The following USP13 variants were observed in gnomAD, a reference collection of about 807,000 sequenced individuals.
The protein encoded by USP13 is ubiquitin specific peptidase 13.
Under a neutral mutation model 107.8 loss-of-function variants are expected in USP13, and 68 were observed. The observed-to-expected ratio is 0.63, with a 90% confidence interval of 0.52 to 0.77. The LOEUF is 0.77. USP13 is among the 30% of genes least tolerant of loss of function. The pLI, the probability that USP13 is intolerant of heterozygous loss-of-function variation, is 0.00. For synonymous variants in USP13, 377 were observed against 389.5 expected (o/e 0.97, Z 0.38); for missense variants, 945 against 1,093.3 (o/e 0.86, Z 1.91).
chr3:179,728,554 G>C (rs1255388964), intron 8 of USP13, among the ~76,000 whole-genome samples: 7 of 151,504 alleles, frequency 4.6e-5, no homozygotes. Context: ...GCCAGGCAGA[G>C]ACACTCCTCA....
chr3:179,722,447 G>A (rs1293142474), intron 8 of USP13, among the ~76,000 whole-genome samples: 2 of 151,994 alleles, frequency 1.3e-5, no homozygotes, highest in African/African-American at 4.8e-5. Flanking sequence ...TTTTACAAGT[G>A]GCATTTCATT....
intron 1 of USP13, among the ~76,000 whole-genome samples, chr3:179,674,326 G>A (rs1047296664): frequency 6.6e-6 from 1 of 152,178 alleles, no homozygotes; most frequent in Non-Finnish European, 1.5e-5. Context: ...GACCATATCT[G>A]GCTGGAGCTT....
intron 3 of USP13, among the ~76,000 whole-genome samples, chr3:179,697,690 T>C (rs547589233): frequency 4.1e-4 from 63 of 152,146 alleles, no homozygotes; most frequent in South Asian, 8.3e-4. Context: ...TTTGGGGTGA[T>C]GAGACATGAT....
At chr3:179,698,850 T>C (rs2108472106) in intron 3 of USP13, among the ~76,000 whole-genome samples, 1 of 149,950 alleles carries the variant, frequency 6.7e-6, no homozygotes, top group South Asian at 2.1e-4. Flanking sequence ...ATTTAAATAA[T>C]ATTCTATTGG....
chr3:179,680,880 CAT>C (rs1440059569), intron 1 of USP13, among the ~76,000 whole-genome samples: 1 of 143,450 alleles, frequency 7.0e-6, no homozygotes, highest in Non-Finnish European at 1.5e-5. Context: ...TGTCAAATAT[CAT>C]GTGTCACCAA....
Position 179,742,424 on chromosome 3 carries a change from T to G in USP13, c.1534+74T>G. The G allele has an allele frequency of 6.3e-7, 1 of 1,580,456 alleles. No homozygotes were observed. The highest frequency in any genetic ancestry group is 2.3e-5 in the East Asian group (1 of 43,504). ...AAACCCTCAAATCAGAGAGAATGGT[T>G]TAGTCACTGAAGTGTGTCAGGAGTA... On this transcript the variant is annotated intron_variant, in intron 12 of 20. Coordinates refer to ENST00000263966, the MANE Select transcript of USP13 (RefSeq NM_003940.3). The surrounding 1 kb of genome is among the most constrained non-coding windows in gnomAD (Gnocchi z 5.0).
intron 1 of USP13, among the ~76,000 whole-genome samples, chr3:179,668,493 T>TA (rs1395974923): frequency 1.3e-5 from 2 of 152,244 alleles, no homozygotes; most frequent in Non-Finnish European, 2.9e-5. Context: ...TGTATGCTGG[T>TA]AATTCTGTTT....
intron 15 of USP13, among the ~76,000 whole-genome samples, chr3:179,755,578 G>A (rs750780170): frequency 5.9e-5 from 9 of 152,214 alleles, no homozygotes; most frequent in East Asian, 1.9e-4. Context: ...GATTACAGGC[G>A]TGAGCCACTG....
intron 19 of USP13, among the ~76,000 whole-genome samples, chr3:179,779,233 A>T (rs1259475274): frequency 2.9e-5 from 3 of 101,850 alleles, no homozygotes; most frequent in Non-Finnish European, 5.7e-5. Flanking sequence ...GACTTCCATT[A>T]AAAAAAAAAA....
At chr3:179,659,545 T>G (rs941539154) in intron 1 of USP13, among the ~76,000 whole-genome samples, 1 of 152,152 alleles carries the variant, frequency 6.6e-6, no homozygotes, top group Non-Finnish European at 1.5e-5. Flanking sequence ...ACTTACTAGG[T>G]GCCATGCATC....
chr3:179,773,306 AT>A (rs1260459221), intron 19 of USP13, among the ~76,000 whole-genome samples: 1 of 152,216 alleles, frequency 6.6e-6, no homozygotes, highest in Non-Finnish European at 1.5e-5. Flanking sequence ...AGTAAAGAGC[AT>A]TGGATGAGAA....
chr3:179,670,553 T>G (rs1313745984), intron 1 of USP13, among the ~76,000 whole-genome samples: 3 of 152,174 alleles, frequency 2.0e-5, no homozygotes, highest in African/African-American at 7.2e-5. Context: ...CACAGTCTCA[T>G]TTGCCTCCCT....
chr3:179,683,755 C>T (rs568967470), intron 2 of USP13, among the ~76,000 whole-genome samples: 8 of 152,112 alleles, frequency 5.3e-5, no homozygotes, highest in South Asian at 4.1e-4. Flanking sequence ...CAAACTATAT[C>T]ACATTTTTTA....
At chr3:179,750,333 T>C (rs1714565265) in intron 13 of USP13, among the ~76,000 whole-genome samples, 1 of 133,828 alleles carries the variant, frequency 7.5e-6, no homozygotes, top group African/African-American at 3.3e-5. Flanking sequence ...TGTGTATATA[T>C]ATATATATAT....
intron 6 of USP13, among the ~76,000 whole-genome samples, chr3:179,715,308 T>C (rs1183670762): frequency 6.6e-6 from 1 of 151,818 alleles, no homozygotes; most frequent in African/African-American, 2.4e-5. Context: ...TTATAACCTA[T>C]TCTCTCTTTA....
In USP13 at chr3:179,740,440, T is replaced by C. The variant is rs115515632; in HGVS notation, c.1380+68T>C. 6.2e-4 allele frequency: 985 copies of C among 1,595,224 alleles called. 2 individuals are homozygous for C. In the African/African-American group the frequency reaches 9.9e-3, roughly 16 times the overall value. On this transcript the variant is annotated intron_variant, in intron 11 of 20. Transcript: ENST00000263966. ...GGGTGCCGAGCCACTCAGTGCAGTC[T>C]GCTGTGGCTTGATCAGAATGCCTCC...
In USP13 at chr3:179,653,070, C is replaced by T. The variant is rs1720130134; in HGVS notation, c.-156C>T. The T allele has an allele frequency of 3.6e-6, 2 of 563,274 alleles. No homozygotes were observed. The highest frequency in any genetic ancestry group is 4.5e-6 in the Non-Finnish European group (2 of 445,156). 34.9% of individuals were successfully genotyped at this position (563,274 alleles called of 1,614,324 possible). A position where few individuals can be genotyped will look rare whatever the true frequency, so the allele number is the denominator to read the frequency against. Reference sequence around the variant, plus strand: ...GCCCCAAGCCCGCGGTGCCCGCTCCCGCCCCGCAGCCCGCTCTCCCCGCCC... The same window carrying T: ...GCCCCAAGCCCGCGGTGCCCGCTCCTGCCCCGCAGCCCGCTCTCCCCGCCC... On this transcript the variant is annotated 5_prime_UTR_variant, in exon 1 of 21. Coordinates refer to ENST00000263966, the MANE Select transcript of USP13 (RefSeq NM_003940.3). This position sits in a 1 kb window ranked among gnomAD's most constrained non-coding sequence, Gnocchi z 4.0.
Position 179,788,817 on chromosome 3 carries a change from A to G in USP13, c.*4676A>G, listed in dbSNP as rs2108565367. On this transcript the variant is annotated 3_prime_UTR_variant, in exon 21 of 21. Transcript: ENST00000263966. Reference sequence around the variant, plus strand: ...GGAAACGCAATTCTGCAAAGTATCTAAATAGACAGAAACAACACAAATATT... The same window carrying G: ...GGAAACGCAATTCTGCAAAGTATCTGAATAGACAGAAACAACACAAATATT... 6.6e-6 allele frequency: 1 copy of G among 152,350 alleles called. No homozygotes were observed. Among genetic ancestry groups the G allele is most frequent in the South Asian group, 2.1e-4 (1 of 4,828 alleles). The allele number at this position is 152,350 out of a possible 1,614,324, so 9.4% of individuals were successfully genotyped here.
At chr3:179,723,275 T>G (rs1224517659) in intron 8 of USP13, among the ~76,000 whole-genome samples, 1 of 152,194 alleles carries the variant, frequency 6.6e-6, no homozygotes, top group South Asian at 2.1e-4. Flanking sequence ...CTTTGAAAAT[T>G]TATGGTGCAT....
Sources: allele counts gnomAD v4.1 joint callset (sites outside exome capture counted in the v4.1 genomes callset), GRCh38; gene constraint gnomAD v4.1.1; non-coding constraint Gnocchi (gnomAD v3.1); transcripts MANE v1.5; gene names NCBI Gene and HGNC (gene_info 2026-07-23, HGNC 2026-07-21).